LRMDA: variants seen among roughly 807,000 people sequenced by gnomAD.
LRMDA encodes leucine rich melanocyte differentiation associated.
LRMDA carries 18 observed loss-of-function variants against 29.8 expected under a neutral mutation model. The ratio of observed to expected loss-of-function variants is 0.60; its 90% confidence interval spans 0.42 to 0.90. The LOEUF (loss-of-function observed/expected upper bound fraction) is 0.90, where lower values mean the gene tolerates loss of function less well. LRMDA is among the 40% of genes least tolerant of loss of function. The pLI is 0.00. For synonymous variants in LRMDA, 125 were observed against 109.4 expected, an observed-to-expected ratio of 1.14 and a Z score of -0.89; for missense variants, 273 against 273.9, an observed-to-expected ratio of 1.00 and a Z score of 0.02.
chr10:75,857,818 A>G (rs1844853493), intron 2 of LRMDA, among the ~76,000 whole-genome samples: 1 of 152,222 alleles, frequency 6.6e-6, no homozygotes, highest in African/African-American at 2.4e-5. Flanking sequence ...AATACACATA[A>G]GATGCACAGG....
chr10:75,812,145 G>A (rs1446645802), intron 2 of LRMDA, among the ~76,000 whole-genome samples: 1 of 121,080 alleles, frequency 8.3e-6, no homozygotes, highest in Admixed American at 8.7e-5. Context: ...TTTTAGCAGA[G>A]CGGCATTAGT....
chr10:76,424,969 C>A (rs1032964973), intron 6 of LRMDA, among the ~76,000 whole-genome samples: 3 of 152,196 alleles, frequency 2.0e-5, no homozygotes, highest in African/African-American at 7.2e-5. Flanking sequence ...ATTGACCATA[C>A]ACTTTTCTCC....
intron 6 of LRMDA, among the ~76,000 whole-genome samples, chr10:76,365,081 CACACATATATATATATATATATATAT>C (rs1564521419): frequency 2.1e-4 from 4 of 18,682 alleles, no homozygotes; most frequent in South Asian, 6.8e-4. Flanking sequence ...TACACACACA[CACACATATATATATATATATATATAT>C]ACACACACAC....
At chr10:76,364,901 T>C (rs1257592789) in intron 6 of LRMDA, among the ~76,000 whole-genome samples, 1 of 151,586 alleles carries the variant, frequency 6.6e-6, no homozygotes, top group Non-Finnish European at 1.5e-5. Flanking sequence ...TTCTTATACC[T>C]TTGCATCTTC....
intron 2 of LRMDA, among the ~76,000 whole-genome samples, chr10:75,499,527 AGT>A (rs769802284): frequency 6.6e-6 from 1 of 152,200 alleles, no homozygotes; most frequent in Non-Finnish European, 1.5e-5. Flanking sequence ...ACTGTCCTGA[AGT>A]TTACATGAAG....
At chr10:75,754,935 A>G (rs549983254) in intron 2 of LRMDA, among the ~76,000 whole-genome samples, 5 of 152,228 alleles carry the variant, frequency 3.3e-5, no homozygotes, top group Middle Eastern at 3.4e-3. Flanking sequence ...CCTATGGAAA[A>G]CAGTCTTGTG....
Position 76,013,056 on chromosome 10 carries a change from A to G in LRMDA, c.132-22952A>G, listed in dbSNP as rs1589288711. Among the ~76,000 whole-genome samples the G allele has an allele frequency of 4.6e-5, 7 of 152,306 alleles. No homozygotes were observed. The South Asian group carries it at 1.5e-3, about 32-fold the overall frequency. ...AAAAAAAGGGAGCAAAGACTGTTGG[A>G]AACCTTTTAATTAGTACTAATTACC... On this transcript the variant is annotated intron_variant, in intron 2 of 6. Transcript: ENST00000611255.
In LRMDA at chr10:76,173,437, A is replaced by T. The variant is rs147587353; in HGVS notation, c.516+114654A>T. 1.8e-3 allele frequency among the ~76,000 whole-genome samples: 267 copies of T among 152,358 alleles called. 1 individual carries two copies. Among genetic ancestry groups the T allele is most frequent in the Non-Finnish European group, 2.4e-3 (162 of 68,030 alleles). ...TTCTTTGAGACTATTAATAAAATTG[A>T]TAAACCTCTAGCTTACCAGAGTGAT... On this transcript the variant is annotated intron_variant, in intron 5 of 6. Transcript: ENST00000611255.
At chr10:75,916,193 T>TATGG (rs1554833959) in intron 2 of LRMDA, among the ~76,000 whole-genome samples, 1 of 140,064 alleles carries the variant, frequency 7.1e-6, no homozygotes. Flanking sequence ...TGTGTGTGTG[T>TATGG]GTGGGTGGGT....
intron 2 of LRMDA, among the ~76,000 whole-genome samples, chr10:75,594,234 G>C (rs1840758288): frequency 1.3e-5 from 2 of 152,184 alleles, no homozygotes; most frequent in South Asian, 4.1e-4. Context: ...AGCTCTGGGG[G>C]ACCGGGATGC....
intron 5 of LRMDA, among the ~76,000 whole-genome samples, chr10:76,098,743 C>T (rs1326332763): frequency 6.6e-6 from 1 of 152,156 alleles, no homozygotes; most frequent in East Asian, 1.9e-4. Flanking sequence ...AAGAGTTATT[C>T]ACCCAGAGCC....
chr10:75,756,111 C>T (rs925240312), intron 2 of LRMDA, among the ~76,000 whole-genome samples: 1 of 152,136 alleles, frequency 6.6e-6, no homozygotes, highest in African/African-American at 2.4e-5. Context: ...GATTTTTGTG[C>T]TGGGGCAGAG....
At chr10:76,361,201 C>T (rs1233958559) in intron 6 of LRMDA, among the ~76,000 whole-genome samples, 1 of 151,442 alleles carries the variant, frequency 6.6e-6, no homozygotes. Context: ...GCGGTGGTTG[C>T]AGTGAGTCGA....
chr10:76,362,272 G>A (rs373497068), intron 6 of LRMDA, among the ~76,000 whole-genome samples: 4 of 152,350 alleles, frequency 2.6e-5, no homozygotes, highest in East Asian at 3.9e-4. Flanking sequence ...AAGGTGTCAA[G>A]TGCTGTATAA....
In LRMDA at chr10:75,709,236, A is replaced by G. The variant is rs549444415; in HGVS notation, c.131+270742A>G. ...TATTTTCTGTGAAATTAAATTTTTA[A>G]AGAGACAACAGGAAAATAAATTTAT... On this transcript the variant is annotated intron_variant, in intron 2 of 6. Coordinates refer to ENST00000611255, the MANE Select transcript of LRMDA (RefSeq NM_001305581.2). Among the ~76,000 whole-genome samples the G allele has an allele frequency of 1.6e-4, 25 of 152,346 alleles. No individual in the cohort carries two copies. In the South Asian group the frequency reaches 4.6e-3, roughly 28 times the overall value.
chr10:76,539,840 G>A (rs74903238), intron 6 of LRMDA, among the ~76,000 whole-genome samples: 58 of 152,242 alleles, frequency 3.8e-4, no homozygotes, highest in African/African-American at 1.4e-3. Flanking sequence ...GAAAGCCTGT[G>A]AAACATGAAT....
At chr10:75,853,136 A>T (rs1844761249) in intron 2 of LRMDA, among the ~76,000 whole-genome samples, 1 of 152,150 alleles carries the variant, frequency 6.6e-6, no homozygotes, top group African/African-American at 2.4e-5. Flanking sequence ...CATGGGGATT[A>T]TGGGAACTAC....
intron 2 of LRMDA, among the ~76,000 whole-genome samples, chr10:75,898,778 C>T (rs955987164): frequency 2.6e-5 from 4 of 152,164 alleles, no homozygotes; most frequent in African/African-American, 9.7e-5. Context: ...CAGACTAATT[C>T]ATAGATAACT....
intron 6 of LRMDA, among the ~76,000 whole-genome samples, chr10:76,434,635 A>G (rs547398608): frequency 1.3e-5 from 2 of 152,154 alleles, no homozygotes; most frequent in Non-Finnish European, 2.9e-5. Context: ...TCATCCATCC[A>G]TCCAATAAGT....
Sources: allele counts gnomAD v4.1 joint callset (sites outside exome capture counted in the v4.1 genomes callset), GRCh38; gene constraint gnomAD v4.1.1; transcripts MANE v1.5; gene names NCBI Gene and HGNC (gene_info 2026-07-23, HGNC 2026-07-21).